SLC41A2: variants seen among roughly 807,000 people sequenced by gnomAD.
SLC41A2 encodes the protein solute carrier family 41 member 2.
Under a neutral mutation model 58.3 loss-of-function variants are expected in SLC41A2, and 32 were observed. The observed-to-expected ratio is 0.55, with a 90% CI of 0.41 to 0.74. The LOEUF is 0.74. Ranked by LOEUF, SLC41A2 falls within the 30% of genes least tolerant of loss-of-function variation. The pLI is 0.00. For missense variants in SLC41A2, 514 were observed against 680.6 expected (o/e 0.76, Z 2.72); for synonymous variants, 190 against 235.0 (o/e 0.81, Z 1.75).
Position 104,950,266 on chromosome 12 carries a change from T to C in SLC41A2, c.-168+7822A>G, listed in dbSNP as rs181103501. On this transcript the variant is annotated intron_variant, in intron 1 of 10. Coordinates refer to ENST00000258538, the MANE Select transcript of SLC41A2 (RefSeq NM_001352171.3). Reference sequence around the variant, plus strand: ...ATCTCCACGTGTCTAGGAAGAGACCTGGTAGGAGGTGGTTGGATCATGGGG... The same window carrying C: ...ATCTCCACGTGTCTAGGAAGAGACCCGGTAGGAGGTGGTTGGATCATGGGG... 1.8e-3 allele frequency among the ~76,000 whole-genome samples: 276 copies of C among 152,278 alleles called. 2 individuals are homozygous for C. The highest frequency in any genetic ancestry group is 6.2e-3 in the African/African-American group (256 of 41,552).
At position 104,870,875 on chromosome 12, in the gene SLC41A2, C is replaced by A. The variant is rs920710301; in HGVS notation, c.1028-4296G>T. ...GTAAGTTGTGATTTTTTTCTAAATG[C>A]CCCTTAATAATTGATCTAAATTTTC... On this transcript the variant is annotated intron_variant, in intron 6 of 10. Transcript: ENST00000258538. Among the ~76,000 whole-genome samples, 4 of 152,010 alleles carry A rather than the reference C, an allele frequency of 2.6e-5. No homozygotes were observed. The South Asian group carries it at 8.3e-4, about 32-fold the overall frequency.
At chr12:104,809,980 G>GTAGAC (rs2041099942) in intron 10 of SLC41A2, among the ~76,000 whole-genome samples, 1 of 152,146 alleles carries the variant, frequency 6.6e-6, no homozygotes, top group African/African-American at 2.4e-5. Context: ...AACTTAAAAA[G>GTAGAC]TAGACAACAT....
At chr12:104,816,357 A>G (rs950312642) in intron 10 of SLC41A2, among the ~76,000 whole-genome samples, 16 of 152,218 alleles carry the variant, frequency 1.1e-4, no homozygotes, top group Non-Finnish European at 4.4e-5. Flanking sequence ...TACAAAAACT[A>G]TCTTTTAAAG....
chr12:104,833,939 TA>T, intron 10 of SLC41A2: 1 of 842,764 alleles, frequency 1.2e-6, no homozygotes, highest in Non-Finnish European at 1.4e-6. Context: ...AAAATTCCTC[TA>T]AATCATATCT....
chr12:104,888,954 TAAATAA>T, intron 5 of SLC41A2, 73 bp downstream of exon 5: 1 of 1,372,114 alleles, frequency 7.3e-7, no homozygotes. Context: ...AGGTATCATT[TAAATAA>T]AAATAGTCAT....
At chr12:104,905,891 T>C (rs941305754) in intron 3 of SLC41A2, among the ~76,000 whole-genome samples, 1 of 152,130 alleles carries the variant, frequency 6.6e-6, no homozygotes, top group Non-Finnish European at 1.5e-5. Context: ...CGCTCGTGCC[T>C]CTCCCTCCAC....
At chr12:104,934,805 T>C (rs1337691874) in intron 1 of SLC41A2, among the ~76,000 whole-genome samples, 1 of 152,178 alleles carries the variant, frequency 6.6e-6, no homozygotes, top group Non-Finnish European at 1.5e-5. Context: ...ATTGTACTTA[T>C]GTGGAATCTG....
chr12:104,911,837 C>T (rs2046101482), intron 2 of SLC41A2, among the ~76,000 whole-genome samples: 1 of 152,056 alleles, frequency 6.6e-6, no homozygotes, highest in African/African-American at 2.4e-5. Context: ...GGTTCAATGG[C>T]ACCCCAGATT....
intron 1 of SLC41A2, among the ~76,000 whole-genome samples, chr12:104,932,648 A>G (rs1403390374): frequency 6.7e-6 from 1 of 148,270 alleles, no homozygotes; most frequent in East Asian, 2.0e-4. Context: ...AAAAAAAAAG[A>G]TATAGTAACC....
chr12:104,892,316 TA>T (rs200723325), intron 4 of SLC41A2, among the ~76,000 whole-genome samples: 2,961 of 119,774 alleles, frequency 0.025, 341 homozygotes, highest in African/African-American at 0.11. Context: ...TAAAATAAAA[TA>T]AAATAAAATA....
chr12:104,952,399 T>C (rs971008028), intron 1 of SLC41A2, among the ~76,000 whole-genome samples: 7 of 152,066 alleles, frequency 4.6e-5, no homozygotes, highest in Non-Finnish European at 8.8e-5. Flanking sequence ...ATAACAAAAA[T>C]AGTGGGAAGA....
chr12:104,904,391 C>T (rs1213721717), intron 3 of SLC41A2, among the ~76,000 whole-genome samples: 1 of 152,194 alleles, frequency 6.6e-6, no homozygotes, highest in African/African-American at 2.4e-5. Context: ...CCTCTTCATT[C>T]TCTTCTCCCG....
chr12:104,888,962 AAT>A, intron 5 of SLC41A2, 69 bp downstream of exon 5: 6 of 1,402,046 alleles, frequency 4.3e-6, no homozygotes, highest in Non-Finnish European at 5.7e-6. Context: ...TTTAAATAAA[AAT>A]AGTCATCTTA....
chr12:104,808,830 T>C (rs2041045688), intron 10 of SLC41A2, among the ~76,000 whole-genome samples: 1 of 152,230 alleles, frequency 6.6e-6, no homozygotes, highest in African/African-American at 2.4e-5. Context: ...ATCCATTTCT[T>C]CTAGATTTTC....
chr12:104,943,018 T>G (rs1371850242), intron 1 of SLC41A2, among the ~76,000 whole-genome samples: 1 of 152,018 alleles, frequency 6.6e-6, no homozygotes, highest in African/African-American at 2.4e-5. Context: ...ACTCTCACAG[T>G]TCAATTTTTA....
intron 2 of SLC41A2, among the ~76,000 whole-genome samples, chr12:104,923,204 C>A (rs12427204): frequency 1.1e-4 from 12 of 108,034 alleles, no homozygotes; most frequent in Non-Finnish European, 1.5e-4. Flanking sequence ...CTACTAAAAG[C>A]ACAAAAAATT....
intron 8 of SLC41A2, among the ~76,000 whole-genome samples, chr12:104,859,734 A>T (rs1476118460): frequency 2.0e-5 from 3 of 152,084 alleles, no homozygotes; most frequent in Non-Finnish European, 4.4e-5. Flanking sequence ...ACATATATAC[A>T]TATATACATT....
chr12:104,906,927 A>G (rs1203777332), intron 3 of SLC41A2, among the ~76,000 whole-genome samples: 1 of 152,168 alleles, frequency 6.6e-6, no homozygotes, highest in East Asian at 1.9e-4. Flanking sequence ...TCCTCAGAGA[A>G]GTCTTTCCTG....
chr12:104,833,948 T>A (rs756494562), intron 10 of SLC41A2: 14 of 863,472 alleles, frequency 1.6e-5, no homozygotes, highest in Non-Finnish European at 7.0e-6. Flanking sequence ...CTAAATCATA[T>A]CTGCAATGTC....
Sources: allele counts gnomAD v4.1 joint callset (sites outside exome capture counted in the v4.1 genomes callset), GRCh38; gene constraint gnomAD v4.1.1; transcripts MANE v1.5; gene names NCBI Gene and HGNC (gene_info 2026-07-23, HGNC 2026-07-21).